The following TUSC3 variants were observed in gnomAD, a reference collection of about 807,000 sequenced individuals.
TUSC3 encodes the protein dolichyl-diphosphooligosaccharide--protein glycosyltransferase subunit TUSC3.
A neutral mutation model predicts 44.8 loss-of-function variants in TUSC3; 45 were observed. The ratio of observed to expected loss-of-function variants is 1.00; its 90% CI spans 0.79 to 1.29. The LOEUF (loss-of-function observed/expected upper bound fraction) is 1.29, where lower values mean the gene tolerates loss of function less well. TUSC3 is among the 50% of genes most tolerant of loss of function. TUSC3 has a pLI of 0.00. For synonymous variants in TUSC3, 212 were observed against 152.9 expected (o/e 1.39, Z -2.85); for missense variants, 519 against 437.9 (o/e 1.19, Z -1.65).
At chr8:15,832,858 GTAT>G in the TUSC3 span, among the ~76,000 whole-genome samples, 11 of 152,168 alleles carry the variant, frequency 7.2e-5, 1 homozygote, top group South Asian at 1.7e-3. Context: ...CCCAATGACA[GTAT>G]TAGATAGATC....
At chr8:15,679,295 G>A (rs692874) in intron 6 of TUSC3, among the ~76,000 whole-genome samples, 101,945 of 151,766 alleles carry the variant, frequency 0.67, 34,497 homozygotes, top group African/African-American at 0.73. Context: ...TGTAATAGCC[G>A]TTCTGACTTG....
chr8:15,582,946 G>T (rs988342843), intron 1 of TUSC3, among the ~76,000 whole-genome samples: 1 of 152,090 alleles, frequency 6.6e-6, no homozygotes, highest in Non-Finnish European at 1.5e-5. Flanking sequence ...ACCTCAAATT[G>T]CAATTCTTGC....
chr8:15,785,067 GAAA>G, the TUSC3 span, among the ~76,000 whole-genome samples: 1 of 151,276 alleles, frequency 6.6e-6, no homozygotes, highest in Non-Finnish European at 1.5e-5. Context: ...TTTAAAAGAA[GAAA>G]AAAGGATAAT....
chr8:15,565,179 T>G (rs1006580103), intron 1 of TUSC3, among the ~76,000 whole-genome samples: 2 of 151,554 alleles, frequency 1.3e-5, no homozygotes, highest in Admixed American at 6.6e-5. Context: ...TTTTTTTTTT[T>G]GTCTTTTGCA....
upstream of TUSC3, among the ~76,000 whole-genome samples, chr8:15,535,557 T>C (rs895632394): frequency 9.3e-5 from 14 of 150,898 alleles, no homozygotes; most frequent in African/African-American, 3.2e-4. Flanking sequence ...CAATCAGATA[T>C]GCATTTGTGT....
chr8:15,477,932 T>C (rs185944584), intron 1 of TUSC3, among the ~76,000 whole-genome samples: 9 of 152,054 alleles, frequency 5.9e-5, no homozygotes, highest in African/African-American at 1.9e-4. Flanking sequence ...TCTATAGAAA[T>C]TTTCTTTTTT....
chr8:15,710,590 A>G (rs1275410155), intron 6 of TUSC3, among the ~76,000 whole-genome samples: 3 of 151,796 alleles, frequency 2.0e-5, no homozygotes, highest in Non-Finnish European at 2.9e-5. Context: ...TCATTTTTCC[A>G]GTTATGTTCC....
intron 2 of TUSC3, among the ~76,000 whole-genome samples, chr8:15,507,401 T>C (rs1427071912): frequency 6.6e-6 from 1 of 152,184 alleles, no homozygotes; most frequent in African/African-American, 2.4e-5. Context: ...AAAATCCTCT[T>C]AATAAAGAAC....
chr8:15,822,357 A>G, the TUSC3 span, among the ~76,000 whole-genome samples: 1 of 152,156 alleles, frequency 6.6e-6, no homozygotes, highest in African/African-American at 2.4e-5. Flanking sequence ...TACAGATGGT[A>G]TTATTAATAG....
At chr8:15,794,891 T>C in the TUSC3 span, among the ~76,000 whole-genome samples, 1 of 152,166 alleles carries the variant, frequency 6.6e-6, no homozygotes, top group African/African-American at 2.4e-5. Flanking sequence ...TAAAAGACAA[T>C]CCAAAACAAA....
the TUSC3 span, among the ~76,000 whole-genome samples, chr8:15,822,313 G>A: frequency 6.6e-6 from 1 of 152,110 alleles, no homozygotes; most frequent in Admixed American, 6.5e-5. Flanking sequence ...GAAGAGACTA[G>A]GCTACATATT....
intron 1 of TUSC3, among the ~76,000 whole-genome samples, chr8:15,459,566 C>G (rs866529091): frequency 9.9e-5 from 15 of 152,096 alleles, no homozygotes; most frequent in South Asian, 2.1e-4. Context: ...GTGCAGCCAT[C>G]GCCCAAGCAG....
At chr8:15,661,188 A>G (rs1807407469) in intron 4 of TUSC3, among the ~76,000 whole-genome samples, 1 of 152,014 alleles carries the variant, frequency 6.6e-6, no homozygotes, top group African/African-American at 2.4e-5. Flanking sequence ...TCAACTTCAT[A>G]GGTTTACATT....
intron 1 of TUSC3, among the ~76,000 whole-genome samples, chr8:15,542,093 G>A: frequency 6.6e-6 from 1 of 151,788 alleles, no homozygotes; most frequent in Admixed American, 6.6e-5. Flanking sequence ...GGTACAGCTG[G>A]CTTTTATACA....
the TUSC3 span, among the ~76,000 whole-genome samples, chr8:15,837,042 TTGTC>T: frequency 6.6e-5 from 10 of 152,180 alleles, no homozygotes; most frequent in Admixed American, 3.9e-4. Flanking sequence ...TTATCACTGT[TTGTC>T]TGACTGTAAG....
chr8:15,461,657 G>T (rs1049753379), intron 1 of TUSC3, among the ~76,000 whole-genome samples: 1 of 151,398 alleles, frequency 6.6e-6, no homozygotes, highest in Non-Finnish European at 1.5e-5. Context: ...TCAGTATTAC[G>T]TTAGCTGTGA....
chr8:15,458,713 A>G (rs114177165), intron 1 of TUSC3, among the ~76,000 whole-genome samples: 3,012 of 152,298 alleles, frequency 0.02, 102 homozygotes, highest in African/African-American at 0.068. Flanking sequence ...TTCAAGATAA[A>G]TGAACTAATT....
intron 1 of TUSC3, among the ~76,000 whole-genome samples, chr8:15,580,826 G>A (rs1260397387): frequency 7.0e-6 from 1 of 142,740 alleles, no homozygotes; most frequent in Non-Finnish European, 1.5e-5. Flanking sequence ...GAGTATCTTT[G>A]TGGCATTCCC....
intron 6 of TUSC3, among the ~76,000 whole-genome samples, chr8:15,676,922 G>A (rs547252715): frequency 2.6e-5 from 4 of 152,150 alleles, no homozygotes; most frequent in African/African-American, 9.7e-5. Context: ...AATAGCTAGA[G>A]CTTAGGATCA....
Sources: allele counts gnomAD v4.1 joint callset (sites outside exome capture counted in the v4.1 genomes callset), GRCh38; gene constraint gnomAD v4.1.1; transcripts MANE v1.5; gene names NCBI Gene and HGNC (gene_info 2026-07-23, HGNC 2026-07-21).